NDUFAF6: variants seen among roughly 807,000 people sequenced by gnomAD.
NDUFAF6 encodes NADH:ubiquinone oxidoreductase complex assembly factor 6.
Under a neutral mutation model 40.8 loss-of-function variants are expected in NDUFAF6, and 45 were observed. The observed-to-expected ratio is 1.10, with a 90% CI of 0.87 to 1.42. The LOEUF (loss-of-function observed/expected upper bound fraction) is 1.42. NDUFAF6 is among the 40% of genes most tolerant of loss of function. NDUFAF6 has a pLI of 0.00. For synonymous variants in NDUFAF6, 185 were observed against 155.9 expected, an observed-to-expected ratio of 1.19 and a Z score of -1.39; for missense variants, 435 against 418.5, an observed-to-expected ratio of 1.04 and a Z score of -0.34.
chr8:94,990,386 C>G (rs781097801), intron 2 of NDUFAF6, among the ~76,000 whole-genome samples: 13 of 152,114 alleles, frequency 8.5e-5, no homozygotes, highest in Non-Finnish European at 1.3e-4. Flanking sequence ...GAGTTTGGGA[C>G]CAAATTGACA....
chr8:95,017,781 G>A (rs1437408261), intron 2 of NDUFAF6, among the ~76,000 whole-genome samples: 1 of 151,742 alleles, frequency 6.6e-6, no homozygotes, highest in Non-Finnish European at 1.5e-5. Context: ...GGTTTTTTTT[G>A]TTTTAACATC....
At chr8:94,964,779 C>T (rs1823876192) in intron 1 of NDUFAF6, among the ~76,000 whole-genome samples, 1 of 152,174 alleles carries the variant, frequency 6.6e-6, no homozygotes, top group Non-Finnish European at 1.5e-5. Flanking sequence ...GCCCCACTTC[C>T]AACATTGGTG....
chr8:94,990,738 A>C (rs1826155510), intron 2 of NDUFAF6, among the ~76,000 whole-genome samples: 1 of 152,228 alleles, frequency 6.6e-6, no homozygotes. Context: ...GACAGGGAAA[A>C]AATGGACAAT....
Position 95,054,989 on chromosome 8 carries a change from T to C in NDUFAF6, c.873+2759T>C, listed in dbSNP as rs553718672. ...AGAATTCATATTCAGAAATTTATAA[T>C]GTCTTTGAGAGTTTCACAATCAATT... On this transcript the variant is annotated intron_variant, in intron 8 of 8. Coordinates refer to ENST00000396124, the MANE Select transcript of NDUFAF6 (RefSeq NM_152416.4). Among the ~76,000 whole-genome samples, 5 of 152,382 alleles carry C rather than the reference T, an allele frequency of 3.3e-5. No individual in the cohort carries two copies. In the South Asian group the frequency reaches 1.0e-3, roughly 32 times the overall value.
intron 2 of NDUFAF6, among the ~76,000 whole-genome samples, chr8:94,949,830 C>T (rs1159352385): frequency 6.6e-6 from 1 of 152,156 alleles, no homozygotes; most frequent in Non-Finnish European, 1.5e-5. Context: ...CATTAAGACT[C>T]CTGGGAGGGC....
downstream of NDUFAF6, among the ~76,000 whole-genome samples, chr8:95,106,327 C>T (rs180781768): frequency 5.3e-5 from 8 of 151,464 alleles, no homozygotes; most frequent in South Asian, 4.2e-4. Context: ...GAAATAATAC[C>T]GCACATCTAC....
At position 94,941,530 on chromosome 8, in the gene NDUFAF6, T is replaced by C. The variant is rs74975638; in HGVS notation, c.-935-3953T>C. ...CTGGCTCATTTTCTCTTCTACTCTGTACTTCTTGTCTATAACTGTAAGCAC... is the reference window on the plus strand; with the variant it reads ...CTGGCTCATTTTCTCTTCTACTCTGCACTTCTTGTCTATAACTGTAAGCAC... On this transcript the variant is annotated intron_variant, in intron 1 of 14. Coordinates refer to the NDUFAF6 transcript ENST00000396113. 1.9e-3 allele frequency among the ~76,000 whole-genome samples: 284 copies of C among 152,356 alleles called. 3 individuals carry two copies. The highest frequency in any genetic ancestry group is 0.016 in the East Asian group (84 of 5,192).
intron 1 of NDUFAF6, among the ~76,000 whole-genome samples, chr8:94,964,428 C>CAA (rs71569104): frequency 0.21 from 14,288 of 68,730 alleles, 1,077 homozygotes; most frequent in Middle Eastern, 0.34. Flanking sequence ...GACCCTGTCT[C>CAA]AAAAAAAAAA....
chr8:94,931,987 G>A, intron 1 of NDUFAF6: 1 of 1,378,422 alleles, frequency 7.3e-7, no homozygotes, highest in Non-Finnish European at 1.0e-6. Context: ...AAGAAAGAAA[G>A]TCATTTTTAA....
chr8:94,962,609 G>GTTTT (rs375083573), intron 1 of NDUFAF6, among the ~76,000 whole-genome samples: 2 of 45,812 alleles, frequency 4.4e-5, no homozygotes, highest in African/African-American at 1.3e-4. Context: ...TCTGTTTTTT[G>GTTTT]TTTTTTGTTT....
intron 1 of NDUFAF6, among the ~76,000 whole-genome samples, chr8:94,900,922 C>T (rs1817974393): frequency 6.6e-6 from 1 of 152,124 alleles, no homozygotes; most frequent in Admixed American, 6.5e-5. Context: ...GTAAAGCAAA[C>T]AATTCCTGCC....
At chr8:94,905,645 A>G (rs1340160140) in intron 1 of NDUFAF6, among the ~76,000 whole-genome samples, 2 of 152,100 alleles carry the variant, frequency 1.3e-5, no homozygotes, top group Non-Finnish European at 2.9e-5. Flanking sequence ...GCACTTCCCA[A>G]AGCTACCTGG....
At chr8:95,074,269 G>A (rs1023322399) in intron 9 of NDUFAF6, among the ~76,000 whole-genome samples, 1 of 151,988 alleles carries the variant, frequency 6.6e-6, no homozygotes, top group African/African-American at 2.4e-5. Context: ...ACGTTTTCAG[G>A]GCCACATACA....
chr8:94,943,173 C>T (rs1821706386), intron 1 of NDUFAF6, among the ~76,000 whole-genome samples: 1 of 152,064 alleles, frequency 6.6e-6, no homozygotes, highest in Non-Finnish European at 1.5e-5. Context: ...GCTGATGACA[C>T]AAAGACAGTG....
At chr8:94,976,729 G>A (rs1194789164) in intron 1 of NDUFAF6, among the ~76,000 whole-genome samples, 2 of 152,006 alleles carry the variant, frequency 1.3e-5, no homozygotes, top group Non-Finnish European at 2.9e-5. Flanking sequence ...TTGGGGAGAA[G>A]GAAAAGGGAA....
At position 94,935,667 on chromosome 8, in the gene NDUFAF6, T is replaced by G. The variant is rs572871873; in HGVS notation, c.-935-9816T>G. Among the ~76,000 whole-genome samples the G allele has an allele frequency of 8.5e-5, 13 of 152,282 alleles. No individual in the cohort carries two copies. The East Asian group carries it at 9.7e-4, about 11-fold the overall frequency. ...GGTGAAGATAAATTCCTGGGACTCC[T>G]TGGTATGGGAGCTCCATGTACTGTG... is the stretch of plus-strand genomic sequence containing the variant. On this transcript the variant is annotated intron_variant, in intron 1 of 14. Coordinates refer to the NDUFAF6 transcript ENST00000396113.
At chr8:94,939,782 A>C (rs1821342986) in intron 1 of NDUFAF6, 1 of 1,547,520 alleles carries the variant, frequency 6.5e-7, no homozygotes, top group African/African-American at 1.4e-5. Flanking sequence ...TCTTCTAATA[A>C]CTTAGCTTTG....
At chr8:94,960,172 C>T (rs1484371718) in intron 1 of NDUFAF6, among the ~76,000 whole-genome samples, 3 of 152,122 alleles carry the variant, frequency 2.0e-5, no homozygotes, top group Non-Finnish European at 4.4e-5. Flanking sequence ...TTTTTGGTAG[C>T]AGCTTTATAG....
At chr8:94,897,388 A>G (rs1817700790) in intron 1 of NDUFAF6, among the ~76,000 whole-genome samples, 1 of 152,234 alleles carries the variant, frequency 6.6e-6, no homozygotes, top group Non-Finnish European at 1.5e-5. Context: ...CCCATATTAC[A>G]GATACCTGGT....
Sources: gnomAD v4.1 joint callset for allele counts (sites outside exome capture counted in the v4.1 genomes callset) on GRCh38, gnomAD v4.1.1 for gene constraint, MANE v1.5 for transcripts, NCBI Gene and HGNC (gene_info 2026-07-23, HGNC 2026-07-21) for gene names.